Variants in MACROD2 observed in about 807,000 individuals in gnomAD.
The protein encoded by MACROD2 is ADP-ribose glycohydrolase MACROD2.
A neutral mutation model predicts 70.4 loss-of-function variants in MACROD2; 36 were observed. The observed-to-expected ratio is 0.51, with a 90% CI of 0.39 to 0.68. The LOEUF is 0.68. Among genes scored for constraint, MACROD2 ranks in the 30% least tolerant of loss-of-function variants. The pLI, the probability that MACROD2 is intolerant of heterozygous loss-of-function variation, is 0.00. For synonymous variants in MACROD2, 172 were observed against 178.8 expected (o/e 0.96, Z 0.30); for missense variants, 496 against 538.4 (o/e 0.92, Z 0.78).
At chr20:15,955,973 A>G (rs1568665962) in intron 12 of MACROD2, among the ~76,000 whole-genome samples, 1 of 152,036 alleles carries the variant, frequency 6.6e-6, no homozygotes. Context: ...AGTTGAAGGA[A>G]AAAAAAACTA....
intron 8 of MACROD2, among the ~76,000 whole-genome samples, chr20:15,573,754 C>T (rs1382554286): frequency 6.6e-6 from 1 of 152,106 alleles, no homozygotes; most frequent in Non-Finnish European, 1.5e-5. Context: ...CTGATACTCT[C>T]CCCACCACAC....
chr20:14,800,857 G>A (rs1344734252), intron 5 of MACROD2, among the ~76,000 whole-genome samples: 1 of 150,850 alleles, frequency 6.6e-6, no homozygotes, highest in African/African-American at 2.4e-5. Flanking sequence ...AACACAGGTT[G>A]TGCTGGTTTG....
intron 5 of MACROD2, among the ~76,000 whole-genome samples, chr20:14,862,508 AATATAT>A (rs1374621685): frequency 9.7e-5 from 2 of 20,690 alleles, no homozygotes; most frequent in Non-Finnish European, 1.7e-4. Flanking sequence ...AATATATATA[AATATAT>A]ATATAAATAT....
intron 8 of MACROD2, among the ~76,000 whole-genome samples, chr20:15,780,043 TA>T (rs201441639): frequency 6.7e-6 from 1 of 148,178 alleles, no homozygotes; most frequent in African/African-American, 2.6e-5. Context: ...ATCATATTAT[TA>T]AAAAAAACAC....
chr20:14,933,272 A>G (rs2074312237), intron 5 of MACROD2, among the ~76,000 whole-genome samples: 1 of 152,184 alleles, frequency 6.6e-6, no homozygotes, highest in South Asian at 2.1e-4. Context: ...ATCTGTGACA[A>G]GAGGATAGGA....
intron 5 of MACROD2, among the ~76,000 whole-genome samples, chr20:14,811,565 C>T (rs952939388): frequency 2.6e-5 from 4 of 151,932 alleles, no homozygotes; most frequent in Admixed American, 6.6e-5. Context: ...GCAACAAAAG[C>T]CAAAATTGAC....
At chr20:15,523,215 G>C (rs963194514) in intron 8 of MACROD2, among the ~76,000 whole-genome samples, 3 of 152,230 alleles carry the variant, frequency 2.0e-5, no homozygotes, top group African/African-American at 7.2e-5. Context: ...TCAGAGAAAA[G>C]AAAGATTTTT....
intron 3 of MACROD2, among the ~76,000 whole-genome samples, chr20:14,336,555 C>A (rs1157427879): frequency 6.6e-6 from 1 of 152,086 alleles, no homozygotes; most frequent in East Asian, 1.9e-4. Flanking sequence ...TTATAAGTTG[C>A]AAAGAATGGA....
intron 13 of MACROD2, among the ~76,000 whole-genome samples, chr20:15,973,261 G>A (rs1291980776): frequency 6.6e-6 from 1 of 151,748 alleles, no homozygotes; most frequent in African/African-American, 2.4e-5. Flanking sequence ...GAAAGAAAAA[G>A]AGGAAATGAG....
intron 4 of MACROD2, among the ~76,000 whole-genome samples, chr20:14,598,241 C>T (rs1303519753): frequency 2.0e-5 from 3 of 152,088 alleles, no homozygotes; most frequent in East Asian, 1.9e-4. Context: ...AAGTTTCCCT[C>T]GTATTTTTTC....
chr20:14,572,492 A>G (rs1051157709), intron 4 of MACROD2, among the ~76,000 whole-genome samples: 1 of 152,184 alleles, frequency 6.6e-6, no homozygotes, highest in Non-Finnish European at 1.5e-5. Flanking sequence ...TCTCGATGGC[A>G]GCAAGTACTC....
intron 5 of MACROD2, among the ~76,000 whole-genome samples, chr20:15,190,190 C>A (rs1219623790): frequency 6.6e-6 from 1 of 152,156 alleles, no homozygotes; most frequent in Non-Finnish European, 1.5e-5. Context: ...TAAATAGATT[C>A]TCTTAACTTA....
chr20:14,337,340 C>G, intron 3 of MACROD2: 226 of 240,070 alleles, frequency 9.4e-4, no homozygotes, highest in Middle Eastern at 1.4e-3. Context: ...TCGTTTCTTT[C>G]TAGAGAGTAA....
At chr20:15,962,949 T>C (rs2066084180) in intron 12 of MACROD2, among the ~76,000 whole-genome samples, 2 of 152,208 alleles carry the variant, frequency 1.3e-5, no homozygotes, top group African/African-American at 4.8e-5. Flanking sequence ...CAGGATACTT[T>C]TTTCCTATAT....
intron 8 of MACROD2, among the ~76,000 whole-genome samples, chr20:15,772,143 A>T (rs2051646391): frequency 2.1e-5 from 3 of 145,042 alleles, no homozygotes; most frequent in Admixed American, 7.1e-5. Flanking sequence ...TTTTGTATTC[A>T]ATGAGGCCAT....
intron 8 of MACROD2, among the ~76,000 whole-genome samples, chr20:15,529,410 C>T (rs1395534322): frequency 6.6e-6 from 1 of 151,714 alleles, no homozygotes; most frequent in Non-Finnish European, 1.5e-5. Flanking sequence ...TACATTGAAC[C>T]TATACTATAT....
chr20:16,033,220 A>G (rs1439766692), intron 15 of MACROD2, among the ~76,000 whole-genome samples: 1 of 152,128 alleles, frequency 6.6e-6, no homozygotes, highest in Non-Finnish European at 1.5e-5. Flanking sequence ...ACTGTGTGAC[A>G]TTTTATTTTT....
chr20:15,384,271 T>G (rs1268443005), intron 6 of MACROD2, among the ~76,000 whole-genome samples: 3 of 151,984 alleles, frequency 2.0e-5, no homozygotes, highest in Non-Finnish European at 4.4e-5. Context: ...AATTTATCCC[T>G]TTTTGAGACA....
At chr20:15,737,840 A>C (rs2146960447) in intron 8 of MACROD2, among the ~76,000 whole-genome samples, 1 of 149,800 alleles carries the variant, frequency 6.7e-6, no homozygotes, top group South Asian at 2.2e-4. Flanking sequence ...GGACTGGAAA[A>C]GTAGCCAGTA....
Sources: allele counts gnomAD v4.1 joint callset (sites outside exome capture counted in the v4.1 genomes callset), GRCh38; gene constraint gnomAD v4.1.1; transcripts MANE v1.5; gene names NCBI Gene and HGNC (gene_info 2026-07-23, HGNC 2026-07-21).